The following NHSL2 variants were observed in gnomAD, a reference collection of about 807,000 sequenced individuals.
NHSL2 encodes NHS-like protein 2.
Under a neutral mutation model 53.4 loss-of-function variants are expected in NHSL2, and 27 were observed. That is an observed-to-expected ratio of 0.51 (90% CI 0.37 to 0.70). NHSL2 has a LOEUF of 0.70. Ranked by LOEUF, NHSL2 falls within the 30% of genes least tolerant of loss-of-function variation. NHSL2 has a pLI of 0.00. For synonymous variants in NHSL2, 408 were observed against 404.1 expected (o/e 1.01, Z -0.12); for missense variants, 892 against 980.1 (o/e 0.91, Z 1.20).
chrX:72,088,254 G>T (rs1458164831), intron 1 of NHSL2, among the ~76,000 whole-genome samples: 1 of 111,791 alleles, frequency 8.9e-6, no homozygotes, highest in African/African-American at 3.3e-5. Context: ...AACAAAAACT[G>T]GTTAGTTCTA....
intron 1 of NHSL2, among the ~76,000 whole-genome samples, chrX:71,934,478 T>C (rs1483177211): frequency 8.9e-6 from 1 of 112,410 alleles, no homozygotes; most frequent in Non-Finnish European, 1.9e-5. Flanking sequence ...TGTGGATTGA[T>C]GGGAGGGATG....
At chrX:72,014,867 C>T (rs2042129291) in intron 1 of NHSL2, among the ~76,000 whole-genome samples, 1 of 109,130 alleles carries the variant, frequency 9.2e-6, no homozygotes, top group Non-Finnish European at 1.9e-5. Context: ...ATCCCAGATG[C>T]CTGCTCAGCC....
chrX:72,013,799 ATAAT>A (rs373638364), intron 1 of NHSL2, among the ~76,000 whole-genome samples: 4 of 111,098 alleles, frequency 3.6e-5, no homozygotes, highest in African/African-American at 1.3e-4. Context: ...TTTTTAACTT[ATAAT>A]AAGTGTTAGA....
At chrX:71,984,883 G>C (rs908801023) in intron 1 of NHSL2, among the ~76,000 whole-genome samples, 1 of 106,230 alleles carries the variant, frequency 9.4e-6, no homozygotes, top group Non-Finnish European at 1.9e-5. Context: ...GAGTGCAGTG[G>C]CACGATCTCG....
At chrX:71,963,077 T>C (rs948089560) in intron 1 of NHSL2, among the ~76,000 whole-genome samples, 3 of 110,684 alleles carry the variant, frequency 2.7e-5, no homozygotes, top group African/African-American at 9.8e-5. Flanking sequence ...TTTTTTCTAT[T>C]CTCTACTTCA....
intron 1 of NHSL2, among the ~76,000 whole-genome samples, chrX:72,071,320 C>T (rs947214477): frequency 8.9e-6 from 1 of 112,374 alleles, no homozygotes; most frequent in African/African-American, 3.2e-5. Context: ...TGCTTCTCTG[C>T]CTTGGAGCTG....
rs760042054 is a variant in NHSL2, at chrX:72,109,636, T to G, written c.281-22443T>G. ...AGGTGGCACCACCATGCCTGGCTAA[T>G]TTTTGTATTTTTAGTAGAGACGGGG... On this transcript the variant is annotated intron_variant, in intron 1 of 7. Coordinates refer to ENST00000633930, the MANE Select transcript of NHSL2 (RefSeq NM_001013627.3). 2.7e-5 allele frequency among the ~76,000 whole-genome samples: 3 copies of G among 111,244 alleles called. No homozygotes were observed. In the South Asian group the frequency reaches 1.1e-3, roughly 42 times the overall value.
chrX:71,942,972 C>CTCTCTCTCTG (rs1220648470), intron 1 of NHSL2, among the ~76,000 whole-genome samples: 2 of 74,023 alleles, frequency 2.7e-5, no homozygotes, highest in African/African-American at 1.1e-4. Flanking sequence ...CTCTCTCTCT[C>CTCTCTCTCTG]TGTGTGTGTG....
At chrX:71,981,037 C>G (rs1225107833) in intron 1 of NHSL2, among the ~76,000 whole-genome samples, 1 of 112,099 alleles carries the variant, frequency 8.9e-6, no homozygotes, top group Non-Finnish European at 1.9e-5. Context: ...GGATCAACGA[C>G]ATAACTGTAA....
intron 1 of NHSL2, among the ~76,000 whole-genome samples, chrX:71,920,273 C>T (rs373196139): frequency 8.1e-5 from 9 of 111,682 alleles, no homozygotes; most frequent in Non-Finnish European, 1.7e-4. Flanking sequence ...TAATTACAGC[C>T]GTAGACTCAT....
At position 72,080,433 on chromosome X, in the gene NHSL2, G is replaced by T. The variant is rs777727708; in HGVS notation, c.281-51646G>T. ...TTCTAGAGGTGTGCACAGAGGGGCA[G>T]GATGGCCACTTAACCGAGATCCTCT... On this transcript the variant is annotated intron_variant, in intron 1 of 7. Transcript: ENST00000633930. Among the ~76,000 whole-genome samples, 24 of 111,452 alleles carry T rather than the reference G, an allele frequency of 2.2e-4. 1 individual carries two copies. The highest frequency in any genetic ancestry group is 9.2e-3 in the Middle Eastern group (2 of 217).
intron 1 of NHSL2, among the ~76,000 whole-genome samples, chrX:72,061,810 G>A (rs1330767199): frequency 8.9e-6 from 1 of 111,968 alleles, no homozygotes; most frequent in Non-Finnish European, 1.9e-5. Context: ...GGCACTTTCT[G>A]TTCCCTCTGC....
Position 72,148,253 on chromosome X carries a change from A to G in NHSL2, c.*4679A>G, listed in dbSNP as rs931900152. 9.8e-5 allele frequency: 11 copies of G among 112,103 alleles called. No individual in the cohort carries two copies. The highest frequency in any genetic ancestry group is 3.6e-4 in the African/African-American group (11 of 30,837). The allele number at this position is 112,103 out of a possible 1,213,427, so 9.2% of individuals were successfully genotyped here. A position where few individuals can be genotyped will look rare whatever the true frequency, so the allele number is the denominator to read the frequency against. ...ATATGTCCTGTTTGTGAAAGGTGAA[A>G]CTGTCCAATCCATGTCCAATCAATG... On this transcript the variant is annotated 3_prime_UTR_variant, in exon 8 of 8. Coordinates refer to ENST00000633930, the MANE Select transcript of NHSL2 (RefSeq NM_001013627.3).
chrX:71,918,360 A>T (rs1437222812), intron 1 of NHSL2, among the ~76,000 whole-genome samples: 4 of 97,664 alleles, frequency 4.1e-5, no homozygotes, highest in Non-Finnish European at 7.9e-5. Context: ...GAAAATCAGA[A>T]TTTTTTTTTT....
At position 72,144,662 on chromosome X, in the gene NHSL2, A is replaced by C. The variant is rs2042448651; in HGVS notation, c.*1088A>C. 1 of 589,385 alleles carries C rather than the reference A, an allele frequency of 1.7e-6. No individual in the cohort carries two copies. Among genetic ancestry groups the C allele is most frequent in the African/African-American group, 2.3e-5 (1 of 42,932 alleles). The allele number at this position is 589,385 out of a possible 1,213,427, so 48.6% of individuals were successfully genotyped here. ...ACATATAAACTAAAAGGATCTATCCAAAATCTAAAAGGCAGTCTTGCCAGT... is the reference window on the plus strand; with the variant it reads ...ACATATAAACTAAAAGGATCTATCCCAAATCTAAAAGGCAGTCTTGCCAGT... On this transcript the variant is annotated 3_prime_UTR_variant, in exon 8 of 8. Coordinates refer to ENST00000633930, the MANE Select transcript of NHSL2 (RefSeq NM_001013627.3).
chrX:71,927,722 A>AT (rs1166285436), intron 1 of NHSL2, among the ~76,000 whole-genome samples: 1 of 110,069 alleles, frequency 9.1e-6, no homozygotes, highest in Admixed American at 9.6e-5. Context: ...AGCCTGGCTA[A>AT]TTTTTTTACT....
At chrX:72,080,439 C>T (rs1372079080) in intron 1 of NHSL2, among the ~76,000 whole-genome samples, 1 of 110,932 alleles carries the variant, frequency 9.0e-6, no homozygotes, top group Non-Finnish European at 1.9e-5. Flanking sequence ...GGCAGGATGG[C>T]CACTTAACCG....
intron 1 of NHSL2, among the ~76,000 whole-genome samples, chrX:71,920,331 T>G (rs1026388391): frequency 2.7e-5 from 3 of 112,064 alleles, no homozygotes; most frequent in African/African-American, 9.7e-5. Context: ...TTTTTTAAAT[T>G]GTTAATGTTT....
intron 1 of NHSL2, among the ~76,000 whole-genome samples, chrX:71,938,619 A>G (rs1026933803): frequency 1.3e-4 from 15 of 112,437 alleles, no homozygotes; most frequent in African/African-American, 4.8e-4. Flanking sequence ...CATCGATCTC[A>G]CAAAGCTATT....
Sources: gnomAD v4.1 joint callset for allele counts (sites outside exome capture counted in the v4.1 genomes callset) on GRCh38, gnomAD v4.1.1 for gene constraint, MANE v1.5 for transcripts, NCBI Gene and HGNC (gene_info 2026-07-23, HGNC 2026-07-21) for gene names.